SRBD1: variants seen among roughly 807,000 people sequenced by gnomAD.
SRBD1 encodes the protein S1 RNA binding domain 1, also known as S1 RNA-binding domain-containing protein 1.
Under a neutral mutation model 115.3 loss-of-function variants are expected in SRBD1, and 88 were observed. The observed-to-expected ratio is 0.76, with a 90% confidence interval of 0.64 to 0.91. The LOEUF (loss-of-function observed/expected upper bound fraction) is 0.91, where lower values mean the gene tolerates loss of function less well. Ranked by LOEUF, SRBD1 falls within the 40% of genes least tolerant of loss-of-function variation. SRBD1 has a pLI of 0.00. For synonymous variants in SRBD1, 509 were observed against 407.7 expected (o/e 1.25, Z -2.99); for missense variants, 1,385 against 1,177.4 (o/e 1.18, Z -2.58).
chr2:45,489,839 T>G (rs972045107), intron 14 of SRBD1, among the ~76,000 whole-genome samples: 7 of 150,724 alleles, frequency 4.6e-5, no homozygotes, highest in Non-Finnish European at 8.9e-5. Flanking sequence ...TTTCTCAAAC[T>G]CTCAATAAAA....
chr2:45,558,532 C>T (rs1420101103), intron 10 of SRBD1, among the ~76,000 whole-genome samples: 2 of 152,060 alleles, frequency 1.3e-5, no homozygotes, highest in African/African-American at 2.4e-5. Flanking sequence ...AATACTAATA[C>T]ATTAGCTTTA....
rs986996988 is a variant in SRBD1 at position 45,413,416 on chromosome 2, C to T, written c.2334-123G>A. Reference sequence around the variant, plus strand: ...TGCGAAAACAGCAACCAGATTTTGACCTTTTACTTCATAGAAACTACCACT... The same window carrying T: ...TGCGAAAACAGCAACCAGATTTTGATCTTTTACTTCATAGAAACTACCACT... On this transcript the variant is annotated intron_variant, in intron 18 of 20. Coordinates refer to ENST00000263736, the MANE Select transcript of SRBD1 (RefSeq NM_018079.5). The T allele has an allele frequency of 4.4e-6, 5 of 1,134,198 alleles. No individual in the cohort carries two copies. The Admixed American group carries it at 1.1e-4, about 25-fold the overall frequency. The allele number at this position is 1,134,198 out of a possible 1,614,324, so 70.3% of individuals were successfully genotyped here.
chr2:45,588,636 A>G lies in SRBD1; in HGVS notation c.649-2862T>C, dbSNP rs150311895. 8.8e-3 allele frequency among the ~76,000 whole-genome samples: 1,337 copies of G among 152,280 alleles called. 19 individuals carry two copies. The highest frequency in any genetic ancestry group is 0.03 in the African/African-American group (1,257 of 41,556). On this transcript the variant is annotated intron_variant, in intron 4 of 20. Transcript: ENST00000263736. ...ACCCTAACTCCAGCTCTACAGCATGAGGCTCAAGGAACCAGCTGTTTTCAG... is the reference window on the plus strand; with the variant it reads ...ACCCTAACTCCAGCTCTACAGCATGGGGCTCAAGGAACCAGCTGTTTTCAG...
At chr2:45,578,033 T>C (rs1197933889) in intron 7 of SRBD1, among the ~76,000 whole-genome samples, 2 of 152,152 alleles carry the variant, frequency 1.3e-5, no homozygotes, top group African/African-American at 2.4e-5. Flanking sequence ...AGCATCACCA[T>C]GTAGGACAAT....
chr2:45,411,001 C>G (rs897303908), intron 19 of SRBD1, among the ~76,000 whole-genome samples: 3 of 152,214 alleles, frequency 2.0e-5, no homozygotes, highest in Middle Eastern at 3.4e-3. Flanking sequence ...AGATGTTTCC[C>G]TGAGTTCTGC....
At position 45,551,249 on chromosome 2, in the gene SRBD1, T is replaced by C. The variant is rs1327555715; in HGVS notation, c.1551A>G (p.Ser517=). 1 of 1,606,998 alleles carries C rather than the reference T, an allele frequency of 6.2e-7. No homozygotes were observed. Among genetic ancestry groups the C allele is most frequent in the Non-Finnish European group, 8.5e-7 (1 of 1,178,648 alleles). The change falls in exon 12 of 21, where the codon TCA becomes TCG. Residue 517 remains serine, a synonymous_variant. Transcript: ENST00000263736. ...GAAGGTTCCGTCCAAACATCATTAC[T>C]GATTCCTTCTCTGCATCTGATGTTA... ...AKLTSDAEKE[S]VMMFGRNLRQ...
At position 45,467,373 on chromosome 2, in the gene SRBD1, T is replaced by A. The variant is rs1410038902; in HGVS notation, c.2049+9620A>T. Among the ~76,000 whole-genome samples, 5 of 152,022 alleles carry A rather than the reference T, an allele frequency of 3.3e-5. No individual in the cohort carries two copies. The South Asian group carries it at 1.0e-3, about 32-fold the overall frequency. On this transcript the variant is annotated intron_variant, in intron 16 of 20. Coordinates refer to ENST00000263736, the MANE Select transcript of SRBD1 (RefSeq NM_018079.5). ...GTTTCTCATTTAAATAATTTAAGAG[T>A]GAGGGAAGCAGGTAGTGGCGAAAAG...
intron 16 of SRBD1, among the ~76,000 whole-genome samples, chr2:45,454,405 T>G (rs1669090462): frequency 6.6e-6 from 1 of 151,842 alleles, no homozygotes; most frequent in South Asian, 2.1e-4. Flanking sequence ...TTATTTAAAT[T>G]TAGTGTTTTG....
chr2:45,462,730 G>A (rs1558411490), intron 16 of SRBD1, among the ~76,000 whole-genome samples: 1 of 151,880 alleles, frequency 6.6e-6, no homozygotes, highest in Non-Finnish European at 1.5e-5. Flanking sequence ...GGAGGCTGAG[G>A]CAGGAGAATG....
chr2:45,610,829 G>T (rs943344735), intron 1 of SRBD1, among the ~76,000 whole-genome samples: 1 of 152,106 alleles, frequency 6.6e-6, no homozygotes, highest in African/African-American at 2.4e-5. Context: ...TCGGGAGGCT[G>T]AGGCAGGCGA....
At chr2:45,429,604 C>G (rs1668269289) in intron 16 of SRBD1, among the ~76,000 whole-genome samples, 1 of 152,152 alleles carries the variant, frequency 6.6e-6, no homozygotes, top group Admixed American at 6.5e-5. Flanking sequence ...CCCCTTCATG[C>G]TAAAAACTCT....
chr2:45,550,837 T>C (rs1672272980), intron 12 of SRBD1, among the ~76,000 whole-genome samples: 1 of 152,162 alleles, frequency 6.6e-6, no homozygotes, highest in Non-Finnish European at 1.5e-5. Context: ...ATCACAATAA[T>C]AGAATCTGAT....
intron 20 of SRBD1, among the ~76,000 whole-genome samples, chr2:45,391,377 CAG>C (rs1362855950): frequency 6.6e-6 from 1 of 152,014 alleles, no homozygotes; most frequent in African/African-American, 2.4e-5. Flanking sequence ...AAACAAAAGA[CAG>C]AATTATTATG....
chr2:45,502,442 C>G (rs146246888), intron 14 of SRBD1, among the ~76,000 whole-genome samples: 6,101 of 152,166 alleles, frequency 0.04, 225 homozygotes, highest in East Asian at 0.13. Flanking sequence ...AAATGTCCAT[C>G]AATGATAGAA....
At chr2:45,525,658 T>A (rs1452678597) in intron 14 of SRBD1, among the ~76,000 whole-genome samples, 1 of 152,048 alleles carries the variant, frequency 6.6e-6, no homozygotes. Context: ...CATTACACAA[T>A]GTATATGTAC....
At chr2:45,555,177 G>A (rs564749450) in intron 10 of SRBD1, among the ~76,000 whole-genome samples, 4 of 152,294 alleles carry the variant, frequency 2.6e-5, no homozygotes, top group East Asian at 1.9e-4. Flanking sequence ...AGGATCACTT[G>A]GAGTTCAAGA....
At chr2:45,551,414 T>C in intron 11 of SRBD1, 132 bp from the exon 12 acceptor site, 3 of 915,466 alleles carry the variant, frequency 3.3e-6, no homozygotes, top group Non-Finnish European at 4.8e-6. Context: ...AAGAGAAAAA[T>C]ATACAAAAAT....
chr2:45,544,933 A>C (rs568040891), intron 14 of SRBD1, among the ~76,000 whole-genome samples: 24 of 152,312 alleles, frequency 1.6e-4, no homozygotes, highest in Non-Finnish European at 2.6e-4. Context: ...AGGAAAGTGA[A>C]GCTAAGAAAG....
chr2:45,524,524 A>G (rs1482505289), intron 14 of SRBD1, among the ~76,000 whole-genome samples: 1 of 152,032 alleles, frequency 6.6e-6, no homozygotes, highest in Admixed American at 6.6e-5. Context: ...AAAAAATGAA[A>G]TAAGAAAATT....
Sources: gnomAD v4.1 joint callset for allele counts (sites outside exome capture counted in the v4.1 genomes callset) on GRCh38, gnomAD v4.1.1 for gene constraint, MANE v1.5 for transcripts, NCBI Gene and HGNC (gene_info 2026-07-23, HGNC 2026-07-21) for gene names.